TOX: variants seen among roughly 807,000 people sequenced by gnomAD.
The protein encoded by TOX is thymocyte selection-associated high mobility group box protein TOX.
TOX carries 11 observed loss-of-function variants against 53.7 expected under a neutral mutation model. The ratio of observed to expected loss-of-function variants is 0.20; its 90% CI spans 0.13 to 0.34. TOX has a LOEUF of 0.34. Ranked by LOEUF, TOX falls within the 10% of genes least tolerant of loss-of-function variation. The probability of loss-of-function intolerance (pLI) is 1.00; values close to 1 mark genes in which losing one functional copy is unlikely to be tolerated. For missense variants in TOX, 570 were observed against 664.6 expected, an observed-to-expected ratio of 0.86 and a Z score of 1.56; for synonymous variants, 225 against 245.3, an observed-to-expected ratio of 0.92 and a Z score of 0.77.
intron 1 of TOX, among the ~76,000 whole-genome samples, chr8:59,068,521 A>C (rs1025381366): frequency 2.0e-5 from 3 of 152,226 alleles, no homozygotes; most frequent in African/African-American, 4.8e-5. Flanking sequence ...GTAAAAAAAG[A>C]GGAAGAGAAA....
chr8:59,062,654 TG>T (rs1402147929), intron 1 of TOX, among the ~76,000 whole-genome samples: 1 of 152,182 alleles, frequency 6.6e-6, no homozygotes, highest in Non-Finnish European at 1.5e-5. Flanking sequence ...TTGTTCCCAG[TG>T]ACAGAGGTTG....
chr8:59,056,696 G>A (rs180952200), intron 1 of TOX, among the ~76,000 whole-genome samples: 184 of 152,220 alleles, frequency 1.2e-3, no homozygotes, highest in African/African-American at 3.7e-3. Context: ...TTTCTACTCC[G>A]TTCTGTTATC....
chr8:58,994,543 T>C (rs1813523868), intron 1 of TOX, among the ~76,000 whole-genome samples: 1 of 152,154 alleles, frequency 6.6e-6, no homozygotes, highest in Non-Finnish European at 1.5e-5. Flanking sequence ...ATTTCTGTCC[T>C]GAATGACTGG....
intron 1 of TOX, among the ~76,000 whole-genome samples, chr8:58,990,066 T>A (rs1364224213): frequency 6.6e-6 from 1 of 152,218 alleles, no homozygotes; most frequent in Non-Finnish European, 1.5e-5. Context: ...CTTCATGCAA[T>A]ATTTACTATA....
chr8:59,082,923 C>T (rs1231972616), intron 1 of TOX, among the ~76,000 whole-genome samples: 1 of 152,178 alleles, frequency 6.6e-6, no homozygotes. Context: ...TTTCATTTCT[C>T]CCTACCCCAA....
At chr8:59,038,884 C>CT (rs767421117) in intron 1 of TOX, among the ~76,000 whole-genome samples, 10 of 152,240 alleles carry the variant, frequency 6.6e-5, no homozygotes, top group Non-Finnish European at 1.5e-4. Context: ...CAGCGTCCTG[C>CT]TCTCCTGCAG....
intron 1 of TOX, among the ~76,000 whole-genome samples, chr8:59,078,212 C>A (rs746044801): frequency 2.0e-5 from 3 of 152,212 alleles, no homozygotes; most frequent in Non-Finnish European, 4.4e-5. Flanking sequence ...TGGGCAGTCA[C>A]TGTCTCTGCA....
intron 1 of TOX, among the ~76,000 whole-genome samples, chr8:59,030,475 A>G (rs986680282): frequency 1.4e-4 from 22 of 152,194 alleles, no homozygotes; most frequent in Non-Finnish European, 1.9e-4. Context: ...AACAAAAGCC[A>G]CTGAAGCTCT....
intron 3 of TOX, among the ~76,000 whole-genome samples, chr8:58,857,556 A>T (rs1188504479): frequency 6.6e-6 from 1 of 152,166 alleles, no homozygotes; most frequent in African/African-American, 2.4e-5. Context: ...GCAAAACAAA[A>T]GTCCCATTAA....
intron 3 of TOX, among the ~76,000 whole-genome samples, chr8:58,897,976 A>G (rs1811679790): frequency 6.6e-6 from 1 of 152,200 alleles, no homozygotes; most frequent in Non-Finnish European, 1.5e-5. Context: ...CACAAGATAA[A>G]CTAATAATTG....
intron 3 of TOX, among the ~76,000 whole-genome samples, chr8:58,877,651 G>C (rs2594953): frequency 0.43 from 64,702 of 152,044 alleles, 16,273 homozygotes; most frequent in African/African-American, 0.7. Flanking sequence ...AGAACATCCT[G>C]TAGGTTATAT....
chr8:58,954,394 T>C (rs1812677248), intron 2 of TOX, among the ~76,000 whole-genome samples: 1 of 152,210 alleles, frequency 6.6e-6, no homozygotes, highest in Non-Finnish European at 1.5e-5. Flanking sequence ...GTTGATTTGC[T>C]TATCTTTCAA....
intron 2 of TOX, among the ~76,000 whole-genome samples, chr8:58,946,984 C>T (rs925018450): frequency 6.6e-6 from 1 of 151,876 alleles, no homozygotes; most frequent in Non-Finnish European, 1.5e-5. Flanking sequence ...TGTTGATGTA[C>T]ATGTTTCAAA....
At chr8:59,018,167 G>T (rs1481812228) in intron 1 of TOX, among the ~76,000 whole-genome samples, 2 of 152,144 alleles carry the variant, frequency 1.3e-5, no homozygotes, top group Non-Finnish European at 2.9e-5. Flanking sequence ...CATTGAAATG[G>T]TAAGGTTTTA....
At chr8:58,965,910 T>TG (rs1812889522) in intron 1 of TOX, among the ~76,000 whole-genome samples, 2 of 134,014 alleles carry the variant, frequency 1.5e-5, no homozygotes, top group Non-Finnish European at 3.3e-5. Flanking sequence ...TTTTTTTTTT[T>TG]TTTTTTTTTT....
chr8:58,970,784 C>G (rs1812988010), intron 1 of TOX, among the ~76,000 whole-genome samples: 1 of 152,214 alleles, frequency 6.6e-6, no homozygotes, highest in African/African-American at 2.4e-5. Context: ...TTAAATGAAT[C>G]ACATAAATCC....
intron 2 of TOX, among the ~76,000 whole-genome samples, chr8:58,941,612 A>G (rs891461663): frequency 1.3e-5 from 2 of 152,210 alleles, no homozygotes; most frequent in Non-Finnish European, 2.9e-5. Context: ...TAGTATTAGC[A>G]TTAATATCAG....
chr8:58,952,355 CTT>C (rs1812635314), intron 2 of TOX, among the ~76,000 whole-genome samples: 2 of 152,168 alleles, frequency 1.3e-5, no homozygotes, highest in Admixed American at 1.3e-4. Flanking sequence ...AAGTATTATA[CTT>C]ATTTTGGAGG....
At chr8:58,982,275 C>T (rs1036379163) in intron 1 of TOX, among the ~76,000 whole-genome samples, 1 of 152,208 alleles carries the variant, frequency 6.6e-6, no homozygotes, top group African/African-American at 2.4e-5. Context: ...CCCCCACACC[C>T]CTTTCCTTAC....
Sources: gnomAD v4.1 joint callset for allele counts (sites outside exome capture counted in the v4.1 genomes callset) on GRCh38, gnomAD v4.1.1 for gene constraint, MANE v1.5 for transcripts, NCBI Gene and HGNC (gene_info 2026-07-23, HGNC 2026-07-21) for gene names.